Variants in FBP2 observed in about 807,000 individuals in gnomAD.
The protein encoded by FBP2 is fructose-bisphosphatase 2.
FBP2 carries 27 observed loss-of-function variants against 31.6 expected under a neutral mutation model. The ratio of observed to expected loss-of-function variants is 0.85; its 90% CI spans 0.63 to 1.18. The LOEUF is 1.18. Among genes scored for constraint, FBP2 ranks in the 50% most tolerant of loss-of-function variants. FBP2 has a pLI of 0.00. For synonymous variants in FBP2, 168 were observed against 179.8 expected, an observed-to-expected ratio of 0.93 and a Z score of 0.53; for missense variants, 421 against 436.1, an observed-to-expected ratio of 0.97 and a Z score of 0.31.
At chr9:94,583,135 A>G (rs1827390671) in intron 3 of FBP2, among the ~76,000 whole-genome samples, 1 of 152,082 alleles carries the variant, frequency 6.6e-6, no homozygotes, top group East Asian at 1.9e-4. Context: ...GATTACAGGC[A>G]TGAGCCACCA....
chr9:94,588,273 A>G, intron 1 of FBP2, among the ~76,000 whole-genome samples: 1 of 152,098 alleles, frequency 6.6e-6, no homozygotes, highest in East Asian at 1.9e-4. Context: ...GGGCAGACTT[A>G]TTTCATTTTT....
chr9:94,587,310 C>T lies in FBP2; in HGVS notation c.330G>A (p.Lys110=), dbSNP rs1246372741. The change falls in exon 2 of 7, where the codon AAG becomes AAA. Residue 110 remains lysine, a synonymous_variant. Coordinates refer to ENST00000375337, the MANE Select transcript of FBP2 (RefSeq NM_003837.4). ...GCACCGCAGCCCCATGACGCACCCG[C>T]TTCTCCTTGGCGGTGATGATGGCGT... ...NKDAIITAKE[K]RGKYVVCFDP... 2.9e-5 allele frequency: 47 copies of T among 1,610,102 alleles called. No homozygotes were observed. The highest frequency in any genetic ancestry group is 4.0e-5 in the Non-Finnish European group (47 of 1,178,916).
At position 94,587,358 on chromosome 9, in the gene FBP2, G is replaced by A. The variant is rs1240428220; in HGVS notation, c.282C>T (p.Val94=). ...NMVQSSYSTC[V]LVSEENKDAI... Reference sequence around the variant, plus strand: ...CGTCCTTATTCTCTTCTGAGACCAGGACGCAGGTACTATAGGAGGATTGGA... The same window carrying A: ...CGTCCTTATTCTCTTCTGAGACCAGAACGCAGGTACTATAGGAGGATTGGA... Residue 94 remains valine (V), a synonymous_variant, in exon 2 of 7, where the codon GTC becomes GTT. Coordinates refer to ENST00000375337, the MANE Select transcript of FBP2 (RefSeq NM_003837.4). 1.2e-6 allele frequency: 2 copies of A among 1,614,084 alleles called. No homozygotes were observed. Among genetic ancestry groups the A allele is most frequent in the South Asian group, 2.2e-5 (2 of 91,062 alleles).
In FBP2 at chr9:94,559,042, C is replaced by A. The variant is rs763789175; in HGVS notation, c.916G>T (p.Val306Leu). The change falls in exon 7 of 7, where the codon GTG becomes TTG. Residue 306 changes from valine to leucine, a missense_variant. Val to Leu is a conservative substitution (Grantham distance 32, BLOSUM62 1). Transcript: ENST00000375337. ...ATTGTQPVLD[V>L]KPEAIHQRVP... is the part of the protein sequence containing the mutation. ...CGCTGGTGAATTGCCTCGGGCTTCA[C>A]GTCCAGTACAGGCTGGGTCCCCGTG... is the stretch of plus-strand genomic sequence containing the variant. The A allele has an allele frequency of 1.7e-5, 27 of 1,614,010 alleles. No homozygotes were observed. In the South Asian group the frequency reaches 2.9e-4, roughly 17 times the overall value.
intron 4 of FBP2, 197 bp from the exon 5 acceptor site, chr9:94,567,604 A>G: frequency 1.8e-6 from 1 of 560,748 alleles, no homozygotes; most frequent in Non-Finnish European, 3.1e-6. Context: ...CCACACAGGA[A>G]GCTCTAGCAG....
chr9:94,571,747 A>G, intron 3 of FBP2, 145 bp from the exon 4 acceptor site: 1 of 715,604 alleles, frequency 1.4e-6, no homozygotes, highest in Non-Finnish European at 2.2e-6. Context: ...CATCCAGAGG[A>G]AACGAGTGGC....
intron 3 of FBP2, chr9:94,577,701 C>T (rs1351386275): frequency 6.6e-6 from 1 of 152,208 alleles, no homozygotes; most frequent in Non-Finnish European, 1.5e-5. Context: ...TGGCTGCCAG[C>T]TTTCCTTGGA....
chr9:94,568,720 A>G (rs557025504), intron 4 of FBP2: 3 of 152,310 alleles, frequency 2.0e-5, no homozygotes, highest in Admixed American at 2.0e-4. Flanking sequence ...AAGGAGACTC[A>G]ATAACAAAAA....
intron 3 of FBP2, among the ~76,000 whole-genome samples, chr9:94,582,157 G>A (rs1404796673): frequency 6.6e-6 from 1 of 152,174 alleles, no homozygotes; most frequent in African/African-American, 2.4e-5. Flanking sequence ...GGTCTGGCCA[G>A]TTTACAGAAA....
intron 5 of FBP2, among the ~76,000 whole-genome samples, chr9:94,566,686 G>T (rs1211070698): frequency 6.6e-6 from 1 of 152,096 alleles, no homozygotes; most frequent in Admixed American, 6.5e-5. Flanking sequence ...GCTGGTCTTG[G>T]CAGGGCACCC....
chr9:94,571,284 G>C (rs1827265882), intron 4 of FBP2, among the ~76,000 whole-genome samples, 178 bp downstream of exon 4: 1 of 152,168 alleles, frequency 6.6e-6, no homozygotes, highest in Non-Finnish European at 1.5e-5. Flanking sequence ...CCCTCACTGG[G>C]ACAGAGGCCC....
chr9:94,559,226 T>C (rs2280300), intron 6 of FBP2, 94 bp from the exon 7 acceptor site: 644,800 of 1,056,134 alleles, frequency 0.61, 199,615 homozygotes, highest in Admixed American at 0.76. Context: ...TGTACTGCGG[T>C]GCTTCCATCT....
intron 3 of FBP2, chr9:94,577,206 TC>T (rs1827324065): frequency 6.6e-6 from 1 of 152,246 alleles, no homozygotes; most frequent in Admixed American, 6.5e-5. Context: ...CTCACAAGCC[TC>T]CCCTCCTTCC....
intron 3 of FBP2, among the ~76,000 whole-genome samples, chr9:94,581,540 C>CT (rs980291666): frequency 2.6e-5 from 4 of 152,306 alleles, no homozygotes; most frequent in African/African-American, 9.6e-5. Context: ...TGTTTTGACT[C>CT]TAAGTCCCTG....
chr9:94,590,927 A>C (rs1421297431), intron 1 of FBP2, among the ~76,000 whole-genome samples: 4 of 152,290 alleles, frequency 2.6e-5, no homozygotes, highest in African/African-American at 9.6e-5. Context: ...AGGTTCTCCA[A>C]GGCCCCACCA....
rs1461216731 is a variant in FBP2 at position 94,559,112 on chromosome 9, G to C, written c.846C>G (p.Cys282Trp). ...GCTCAATGATGTAGGCCACGGGATTGCATTCATACAGGAGCCGGAGCTGTG... is the reference window on the plus strand; with the variant it reads ...GCTCAATGATGTAGGCCACGGGATTCCATTCATACAGGAGCCGGAGCTGTG... ...PKGKLRLLYE[C>W]NPVAYIIEQA... The change falls in exon 7 of 7, where the codon TGC (cysteine) becomes TGG (tryptophan). Residue 282 changes from cysteine (C) to tryptophan (W), a missense_variant. Cys to Trp is a radical substitution (Grantham distance 215). Transcript: ENST00000375337. The C allele has an allele frequency of 1.2e-6, 2 of 1,612,488 alleles. No homozygotes were observed. Among genetic ancestry groups the C allele is most frequent in the South Asian group, 2.2e-5 (2 of 90,980 alleles).
chr9:94,575,024 T>C (rs4743959), intron 3 of FBP2, among the ~76,000 whole-genome samples: 2 of 151,950 alleles, frequency 1.3e-5, no homozygotes. Context: ...TTGGTAAAAT[T>C]AATGAAAATT....
At chr9:94,560,619 A>G (rs1039399742) in intron 6 of FBP2, among the ~76,000 whole-genome samples, 2 of 151,606 alleles carry the variant, frequency 1.3e-5, no homozygotes, top group Non-Finnish European at 1.5e-5. Flanking sequence ...CTTTTCTTCC[A>G]GTCCGTTTTG....
chr9:94,562,563 A>C (rs1025911317), intron 6 of FBP2, among the ~76,000 whole-genome samples: 3 of 152,152 alleles, frequency 2.0e-5, no homozygotes, highest in Non-Finnish European at 2.9e-5. Context: ...TTAGCATTCG[A>C]ATAATTCAAA....
Sources: gnomAD v4.1 joint callset for allele counts (sites outside exome capture counted in the v4.1 genomes callset) on GRCh38, gnomAD v4.1.1 for gene constraint, MANE v1.5 for transcripts, NCBI Gene and HGNC (gene_info 2026-07-23, HGNC 2026-07-21) for gene names.